USP34: variants seen among roughly 807,000 people sequenced by gnomAD.
USP34 encodes the protein ubiquitin specific peptidase 34.
In USP34, 70 loss-of-function variants were observed where a neutral mutation model predicts 460.3. That is an observed-to-expected ratio of 0.15 (90% CI 0.13 to 0.19). The LOEUF is 0.19. Among genes scored for constraint, USP34 ranks in the 10% least tolerant of loss-of-function variants. The pLI, the probability that USP34 is intolerant of heterozygous loss-of-function variation, is 1.00. For synonymous variants in USP34, 1,647 were observed against 1,405.3 expected (o/e 1.17, Z -3.85); for missense variants, 3,985 against 4,236.2 (o/e 0.94, Z 1.65).
At chr2:61,229,477 A>AC in intron 59 of USP34, 71 bp downstream of exon 59, 4 of 673,268 alleles carry the variant, frequency 5.9e-6, no homozygotes, top group Non-Finnish European at 6.0e-6. Context: ...AAAAAAAAAC[A>AC]AAAAAAAAAA....
intron 8 of USP34, among the ~76,000 whole-genome samples, chr2:61,373,031 A>G (rs1207530010): frequency 6.6e-6 from 1 of 152,218 alleles, no homozygotes; most frequent in Non-Finnish European, 1.5e-5. Context: ...AATAAGATTA[A>G]TAGCTAACTT....
chr2:61,448,061 A>T (rs944410968), intron 1 of USP34, among the ~76,000 whole-genome samples: 1 of 152,224 alleles, frequency 6.6e-6, no homozygotes, highest in South Asian at 2.1e-4. Flanking sequence ...TTAAATAACA[A>T]ATGTTTGGGA....
intron 49 of USP34, among the ~76,000 whole-genome samples, chr2:61,247,314 T>C (rs910663309): frequency 6.6e-6 from 1 of 152,096 alleles, no homozygotes; most frequent in African/African-American, 2.4e-5. Context: ...AAGAGATAAT[T>C]AGGTCAGTAA....
intron 29 of USP34, among the ~76,000 whole-genome samples, chr2:61,298,069 A>G (rs1397051656): frequency 1.3e-5 from 2 of 152,180 alleles, no homozygotes; most frequent in African/African-American, 4.8e-5. Context: ...AAATATCTTC[A>G]AAGTGTGCAT....
chr2:61,450,353 T>C (rs540375550), intron 1 of USP34, among the ~76,000 whole-genome samples: 1 of 152,300 alleles, frequency 6.6e-6, no homozygotes, highest in East Asian at 1.9e-4. Flanking sequence ...TGTTCTAGAC[T>C]TGTTTGTGGT....
chr2:61,315,633 T>C (rs13405521), intron 23 of USP34, among the ~76,000 whole-genome samples: 135,565 of 152,056 alleles, frequency 0.89, 60,593 homozygotes, highest in African/African-American at 0.93. Context: ...CCTCAGCCTC[T>C]CAAAGAGGTG....
intron 67 of USP34, among the ~76,000 whole-genome samples, chr2:61,216,860 G>A (rs569817911): frequency 4.3e-4 from 65 of 151,708 alleles, no homozygotes; most frequent in Middle Eastern, 3.4e-3. Context: ...GGAGGCTGCA[G>A]TGAGCTGAGA....
chr2:61,268,380 ACCT>A (rs1450651369), intron 41 of USP34, among the ~76,000 whole-genome samples: 5 of 136,694 alleles, frequency 3.7e-5, no homozygotes, highest in African/African-American at 1.4e-4. Context: ...AGAGCCTGGT[ACCT>A]ACCACACAGG....
chr2:61,422,011 A>T (rs755407707), intron 1 of USP34, among the ~76,000 whole-genome samples: 1 of 152,222 alleles, frequency 6.6e-6, no homozygotes, highest in Non-Finnish European at 1.5e-5. Context: ...AATACATGTA[A>T]AACAGTCACA....
In USP34 at chr2:61,204,385, G is replaced by A; in HGVS notation, c.9260-5C>T. The A allele has an allele frequency of 6.2e-7, 1 of 1,614,096 alleles. No individual in the cohort carries two copies. Among genetic ancestry groups the A allele is most frequent in the Non-Finnish European group, 8.5e-7 (1 of 1,179,998 alleles). ...GGAAATAAGGTCCAAGAGACACTAA[G>A]ATATTAAAAGTGTACAGTAAGAATA... On this transcript the variant is annotated splice_polypyrimidine_tract_variant and splice_region_variant and intron_variant, in intron 73 of 79. Transcript: ENST00000398571.
chr2:61,218,267 G>A (rs1572844081), intron 67 of USP34, among the ~76,000 whole-genome samples: 3 of 143,078 alleles, frequency 2.1e-5, no homozygotes, highest in African/African-American at 7.8e-5. Flanking sequence ...GCTCTTGGCT[G>A]TGTGCTCTTA....
chr2:61,290,135 T>C (rs1689807291), intron 33 of USP34, among the ~76,000 whole-genome samples: 1 of 152,108 alleles, frequency 6.6e-6, no homozygotes, highest in Non-Finnish European at 1.5e-5. Context: ...GAAGGACAAG[T>C]GAAGCCACCG....
At chr2:61,425,072 C>T (rs984850062) in intron 1 of USP34, among the ~76,000 whole-genome samples, 4 of 152,158 alleles carry the variant, frequency 2.6e-5, no homozygotes, top group Non-Finnish European at 5.9e-5. Flanking sequence ...CCTGCCTTGG[C>T]CTCCTGGGAT....
intron 67 of USP34, among the ~76,000 whole-genome samples, chr2:61,218,520 C>A (rs1045717452): frequency 2.6e-5 from 4 of 151,990 alleles, no homozygotes; most frequent in African/African-American, 9.7e-5. Context: ...AACACAGGTA[C>A]ATTACTACTA....
chr2:61,468,561 A>G (rs1043759047), intron 1 of USP34, among the ~76,000 whole-genome samples: 4 of 152,216 alleles, frequency 2.6e-5, no homozygotes, highest in Admixed American at 6.5e-5. Flanking sequence ...CTCAAAGGCA[A>G]TATTAAGAAA....
At chr2:61,395,280 C>T (rs746317115) in intron 3 of USP34, 47 bp from the exon 4 acceptor site, 1 of 1,121,128 alleles carries the variant, frequency 8.9e-7, no homozygotes, top group Admixed American at 2.3e-5. Context: ...CAACTACTAA[C>T]CTTTAAAAAA....
At chr2:61,354,117 A>C (rs1692036408) in intron 10 of USP34, among the ~76,000 whole-genome samples, 1 of 152,144 alleles carries the variant, frequency 6.6e-6, no homozygotes. Flanking sequence ...TAAATAAATA[A>C]CCAATTTCAT....
chr2:61,200,701 C>T (rs916561439), intron 75 of USP34: 2 of 152,168 alleles, frequency 1.3e-5, no homozygotes, highest in Non-Finnish European at 2.9e-5. Flanking sequence ...TTTAAACTTA[C>T]CCTTTTCATT....
chr2:61,263,204 A>C (rs1338859155), intron 43 of USP34, among the ~76,000 whole-genome samples: 3 of 127,866 alleles, frequency 2.3e-5, no homozygotes, highest in Non-Finnish European at 3.2e-5. Context: ...TTTTTGAGAG[A>C]AGTCTCGCTC....
Sources: allele counts gnomAD v4.1 joint callset (sites outside exome capture counted in the v4.1 genomes callset), GRCh38; gene constraint gnomAD v4.1.1; transcripts MANE v1.5; gene names NCBI Gene and HGNC (gene_info 2026-07-23, HGNC 2026-07-21).